Variants in STXBP6 observed in about 807,000 individuals in gnomAD.
The protein encoded by STXBP6 is syntaxin binding protein 6.
A neutral mutation model predicts 26.9 loss-of-function variants in STXBP6; 21 were observed. The ratio of observed to expected loss-of-function variants is 0.78; its 90% CI spans 0.55 to 1.12. The LOEUF (loss-of-function observed/expected upper bound fraction) is 1.12, where lower values mean the gene tolerates loss of function less well. STXBP6 is among the 50% of genes most tolerant of loss of function. STXBP6 has a pLI of 0.00. For synonymous variants in STXBP6, 97 were observed against 92.6 expected, an observed-to-expected ratio of 1.05 and a Z score of -0.27; for missense variants, 232 against 257.9, an observed-to-expected ratio of 0.90 and a Z score of 0.69.
chr14:25,044,367 T>C (rs991753177), intron 1 of STXBP6, among the ~76,000 whole-genome samples: 1 of 152,110 alleles, frequency 6.6e-6, no homozygotes, highest in African/African-American at 2.4e-5. Flanking sequence ...AGCAATCTAA[T>C]GTAGGAAGCT....
chr14:24,978,667 A>T (rs562843140), intron 1 of STXBP6, among the ~76,000 whole-genome samples: 1 of 152,328 alleles, frequency 6.6e-6, no homozygotes, highest in Admixed American at 6.5e-5. Context: ...TATGATTTGC[A>T]AGTCAAAGCA....
rs1566384343 is a variant in STXBP6 at position 24,826,540 on chromosome 14, T to G, written c.452-7346A>C. ...CTACTGTTACTTTCGTATGCCACAA[T>G]TCTTTTGAACTTCCAGTGGACCACC... is the stretch of plus-strand genomic sequence containing the variant. On this transcript the variant is annotated intron_variant, in intron 4 of 5. Transcript: ENST00000323944. 5.9e-5 allele frequency among the ~76,000 whole-genome samples: 9 copies of G among 152,192 alleles called. No homozygotes were observed. The South Asian group carries it at 1.9e-3, about 31-fold the overall frequency.
Position 24,817,867 on chromosome 14 carries a change from TC to T in STXBP6, c.609+1169del, listed in dbSNP as rs912875757. 99 of 357,344 alleles carry T rather than the reference TC, an allele frequency of 2.8e-4. 1 individual carries two copies. Among genetic ancestry groups the T allele is most frequent in the African/African-American group, 2.1e-3 (97 of 46,842 alleles). 22.1% of individuals were successfully genotyped at this position (357,344 alleles called of 1,614,324 possible). On this transcript the variant is annotated intron_variant, in intron 5 of 5. Coordinates refer to ENST00000323944, the MANE Select transcript of STXBP6 (RefSeq NM_001394410.1). ...CGGGCAACAGTGCAGTAAGACCCTG[TC>T]ACGACAGAGAATGAATGAGATGACA...
chr14:25,006,658 C>T (rs1303048059), intron 1 of STXBP6, among the ~76,000 whole-genome samples: 7 of 152,128 alleles, frequency 4.6e-5, no homozygotes, highest in Admixed American at 3.3e-4. Context: ...AATATATTCA[C>T]GAGGGGTTCA....
At chr14:24,972,064 A>T (rs570821761) in intron 2 of STXBP6, among the ~76,000 whole-genome samples, 1 of 152,320 alleles carries the variant, frequency 6.6e-6, no homozygotes, top group South Asian at 2.1e-4. Flanking sequence ...GAAACATCAA[A>T]CTGCAAAAAT....
At position 24,848,423 on chromosome 14, in the gene STXBP6, T is replaced by G. The variant is rs565811383; in HGVS notation, c.451+7513A>C. Among the ~76,000 whole-genome samples the G allele has an allele frequency of 2.4e-4, 37 of 152,244 alleles. 1 individual carries two copies. The highest frequency in any genetic ancestry group is 8.2e-4 in the African/African-American group (34 of 41,576). ...CTGTATATTTATGTCTTCTGGTTGA[T>G]TCTGAAAATAGGAACGGCTCTTATC... On this transcript the variant is annotated intron_variant, in intron 4 of 5. Transcript: ENST00000323944.
intron 4 of STXBP6, among the ~76,000 whole-genome samples, chr14:24,835,325 T>G (rs2138958336): frequency 7.1e-6 from 1 of 140,242 alleles, no homozygotes; most frequent in Admixed American, 7.4e-5. Context: ...GAGCCGTGTT[T>G]GTTATTGCAC....
chr14:24,894,255 A>C (rs1158677141), intron 2 of STXBP6, among the ~76,000 whole-genome samples: 1 of 152,246 alleles, frequency 6.6e-6, no homozygotes, highest in African/African-American at 2.4e-5. Flanking sequence ...GAAATAAACC[A>C]GTGTAAAATG....
At chr14:24,979,427 T>G (rs951799559) in intron 1 of STXBP6, among the ~76,000 whole-genome samples, 2 of 152,210 alleles carry the variant, frequency 1.3e-5, no homozygotes, top group African/African-American at 4.8e-5. Context: ...TGGAAGACTC[T>G]GGGGGGAAAA....
intron 1 of STXBP6, among the ~76,000 whole-genome samples, chr14:24,994,425 C>T (rs963567904): frequency 6.6e-6 from 1 of 152,166 alleles, no homozygotes; most frequent in Non-Finnish European, 1.5e-5. Context: ...CCCTCATGCA[C>T]CAAGCTCAAA....
intron 2 of STXBP6, among the ~76,000 whole-genome samples, chr14:24,965,520 T>C (rs2073707744): frequency 6.6e-6 from 1 of 151,964 alleles, no homozygotes; most frequent in Admixed American, 6.6e-5. Context: ...ATAGTGAGTA[T>C]CCCACTAATG....
chr14:24,967,055 C>T (rs1304053026), intron 2 of STXBP6, among the ~76,000 whole-genome samples: 7 of 151,936 alleles, frequency 4.6e-5, no homozygotes, highest in Admixed American at 3.9e-4. Context: ...GAGCACAGCA[C>T]AGTGGATAAG....
At chr14:25,035,410 T>C (rs1438459753) in intron 1 of STXBP6, among the ~76,000 whole-genome samples, 11 of 152,208 alleles carry the variant, frequency 7.2e-5, no homozygotes, top group Admixed American at 6.5e-4. Flanking sequence ...AAATTCAAAG[T>C]ACAAAGCACC....
chr14:24,819,872 C>T (rs571198217), intron 4 of STXBP6, among the ~76,000 whole-genome samples: 4 of 152,192 alleles, frequency 2.6e-5, no homozygotes, highest in African/African-American at 9.6e-5. Flanking sequence ...ATGTGAAATA[C>T]GGAGCCTCAG....
intron 2 of STXBP6, among the ~76,000 whole-genome samples, chr14:24,964,601 G>A (rs143288307): frequency 1.7e-3 from 259 of 151,530 alleles, no homozygotes; most frequent in South Asian, 7.9e-3. Flanking sequence ...TTATAGATGA[G>A]AAAACTGAGT....
intron 2 of STXBP6, among the ~76,000 whole-genome samples, chr14:24,929,590 T>C (rs1566484659): frequency 6.6e-6 from 1 of 152,238 alleles, no homozygotes; most frequent in Non-Finnish European, 1.5e-5. Flanking sequence ...TAAACATTTG[T>C]CTGGTTTCCT....
At chr14:24,946,798 A>G (rs999610162) in intron 2 of STXBP6, among the ~76,000 whole-genome samples, 7 of 152,182 alleles carry the variant, frequency 4.6e-5, no homozygotes, top group Admixed American at 2.6e-4. Flanking sequence ...TAATGGGAAC[A>G]GTTTCATAGG....
intron 1 of STXBP6, among the ~76,000 whole-genome samples, chr14:24,985,825 A>G (rs138046106): frequency 1.3e-5 from 2 of 152,348 alleles, no homozygotes; most frequent in African/African-American, 4.8e-5. Context: ...CTTAAGCTTA[A>G]AAGTTTAATG....
At chr14:24,920,089 A>G (rs1226970419) in intron 2 of STXBP6, among the ~76,000 whole-genome samples, 1 of 152,082 alleles carries the variant, frequency 6.6e-6, no homozygotes, top group East Asian at 1.9e-4. Flanking sequence ...TCAACTTAAG[A>G]GACCAGAATA....
Sources: gnomAD v4.1 joint callset for allele counts (sites outside exome capture counted in the v4.1 genomes callset) on GRCh38, gnomAD v4.1.1 for gene constraint, MANE v1.5 for transcripts, NCBI Gene and HGNC (gene_info 2026-07-23, HGNC 2026-07-21) for gene names.